The following SPOCK3 variants were observed in gnomAD, a reference collection of about 807,000 sequenced individuals.
The protein encoded by SPOCK3 is SPARC (osteonectin), cwcv and kazal like domains proteoglycan 3.
Under a neutral mutation model 56.6 loss-of-function variants are expected in SPOCK3, and 30 were observed. That is an observed-to-expected ratio of 0.53 (90% CI 0.40 to 0.72). SPOCK3 has a LOEUF of 0.72. Among genes scored for constraint, SPOCK3 ranks in the 30% least tolerant of loss-of-function variants. The pLI, the probability that SPOCK3 is intolerant of heterozygous loss-of-function variation, is 0.00. For missense variants in SPOCK3, 527 were observed against 530.0 expected (o/e 0.99, Z 0.06); for synonymous variants, 196 against 183.3 (o/e 1.07, Z -0.56).
At chr4:166,939,505 A>T (rs1377039993) in intron 4 of SPOCK3, among the ~76,000 whole-genome samples, 2 of 152,190 alleles carry the variant, frequency 1.3e-5, no homozygotes, top group Admixed American at 1.3e-4. Flanking sequence ...TAGATGTAAA[A>T]TTGTGACTAC....
chr4:166,963,322 G>A (rs1744353760), intron 4 of SPOCK3, among the ~76,000 whole-genome samples: 2 of 151,964 alleles, frequency 1.3e-5, no homozygotes, highest in Non-Finnish European at 2.9e-5. Context: ...GAGCAATGAT[G>A]TTTATTTTAT....
intron 8 of SPOCK3, among the ~76,000 whole-genome samples, chr4:166,744,122 G>T (rs936512485): frequency 3.9e-5 from 6 of 152,234 alleles, no homozygotes; most frequent in Admixed American, 3.3e-4. Context: ...TCCCACCCCG[G>T]AGTTTGAGAT....
chr4:167,084,880 C>A (rs888063794), intron 2 of SPOCK3, among the ~76,000 whole-genome samples: 2 of 151,660 alleles, frequency 1.3e-5, no homozygotes, highest in African/African-American at 2.4e-5. Context: ...ACATAGAAAC[C>A]CATTATATAA....
chr4:166,786,318 G>A (rs1158972607), intron 7 of SPOCK3, among the ~76,000 whole-genome samples: 1 of 152,138 alleles, frequency 6.6e-6, no homozygotes, highest in Non-Finnish European at 1.5e-5. Flanking sequence ...AGAGAAGTCA[G>A]CAGGCAATGG....
chr4:166,833,400 A>AT (rs1746288172), intron 6 of SPOCK3, among the ~76,000 whole-genome samples: 1 of 151,932 alleles, frequency 6.6e-6, no homozygotes, highest in Non-Finnish European at 1.5e-5. Flanking sequence ...AAACTTATTG[A>AT]TTTTCTCAAT....
chr4:166,999,759 C>G (rs1364199489), intron 4 of SPOCK3, among the ~76,000 whole-genome samples: 1 of 152,134 alleles, frequency 6.6e-6, no homozygotes, highest in Admixed American at 6.6e-5. Context: ...CTTCCCAAAA[C>G]AGAGCCCGTC....
At position 166,749,109 on chromosome 4, in the gene SPOCK3, C is replaced by A. The variant is rs1412778720; in HGVS notation, c.931+5399G>T. 1.5e-5 allele frequency among the ~76,000 whole-genome samples: 2 copies of A among 137,030 alleles called. 1 individual carries two copies. The highest frequency in any genetic ancestry group is 1.4e-4 in the Admixed American group (2 of 14,248). 89.9% of individuals were successfully genotyped at this position (137,030 alleles called of 152,430 possible). ...CCTCAAAGACATAGAACTAGAAATACCATTTGACCCAGCCATCCCATTACT... is the reference window on the plus strand; with the variant it reads ...CCTCAAAGACATAGAACTAGAAATAACATTTGACCCAGCCATCCCATTACT... On this transcript the variant is annotated intron_variant, in intron 8 of 10. Transcript: ENST00000357545.
intron 3 of SPOCK3, among the ~76,000 whole-genome samples, chr4:167,053,765 C>A (rs1160827517): frequency 6.6e-6 from 1 of 151,660 alleles, no homozygotes; most frequent in African/African-American, 2.4e-5. Context: ...TGTTAGGCTG[C>A]CCTTCCTGAG....
intron 2 of SPOCK3, among the ~76,000 whole-genome samples, chr4:167,220,518 T>C (rs964965252): frequency 1.3e-5 from 2 of 150,850 alleles, no homozygotes; most frequent in Non-Finnish European, 2.9e-5. Context: ...GCTGGGACAA[T>C]AGGCATGTGC....
At chr4:166,923,075 C>T (rs952915836) in intron 4 of SPOCK3, among the ~76,000 whole-genome samples, 1 of 152,208 alleles carries the variant, frequency 6.6e-6, no homozygotes, top group African/African-American at 2.4e-5. Flanking sequence ...GTTGGCAGGA[C>T]TACACTCTCC....
chr4:167,153,743 C>T (rs989699052), intron 2 of SPOCK3, among the ~76,000 whole-genome samples: 2 of 152,150 alleles, frequency 1.3e-5, no homozygotes, highest in Non-Finnish European at 2.9e-5. Flanking sequence ...GAATACTGCA[C>T]TAGCGTTCAA....
chr4:166,804,799 C>T (rs530168900), intron 6 of SPOCK3, among the ~76,000 whole-genome samples: 4 of 152,152 alleles, frequency 2.6e-5, no homozygotes, highest in African/African-American at 9.6e-5. Context: ...TGTCTCTAGC[C>T]ACCCTGAGAA....
intron 3 of SPOCK3, among the ~76,000 whole-genome samples, chr4:167,022,798 C>T (rs1322357966): frequency 2.6e-5 from 4 of 151,844 alleles, no homozygotes; most frequent in Non-Finnish European, 5.9e-5. Context: ...GATATGCTGG[C>T]CAGCTGGTTA....
rs187015367 is a variant in SPOCK3 at position 166,809,847 on chromosome 4, G to A, written c.590-17558C>T. Among the ~76,000 whole-genome samples the A allele has an allele frequency of 2.2e-3, 332 of 152,088 alleles. 3 individuals are homozygous for A. The highest frequency in any genetic ancestry group is 3.4e-3 in the Non-Finnish European group (228 of 67,958). On this transcript the variant is annotated intron_variant, in intron 6 of 10. Coordinates refer to ENST00000357545, the MANE Select transcript of SPOCK3 (RefSeq NM_001040159.2). ...CATCAACATCAGACAAGCCCACTCC[G>A]TGACCATGATGGAGCAAGACAAAAA...
At chr4:166,845,972 T>A (rs1046834590) in intron 6 of SPOCK3, among the ~76,000 whole-genome samples, 2 of 152,192 alleles carry the variant, frequency 1.3e-5, no homozygotes, top group Non-Finnish European at 2.9e-5. Flanking sequence ...CACAGCAAGT[T>A]TGTACTCCTG....
chr4:167,205,282 A>T (rs1210490937), intron 2 of SPOCK3, among the ~76,000 whole-genome samples: 1 of 54,150 alleles, frequency 1.8e-5, no homozygotes, highest in East Asian at 4.4e-4. Flanking sequence ...TATATATTAT[A>T]TATATTTTAT....
chr4:167,147,208 A>G (rs1264688477), intron 2 of SPOCK3, among the ~76,000 whole-genome samples: 1 of 152,218 alleles, frequency 6.6e-6, no homozygotes, highest in Non-Finnish European at 1.5e-5. Context: ...TAGAAAATCT[A>G]TAAGAAATGG....
At chr4:167,132,315 T>C (rs534281826) in intron 2 of SPOCK3, among the ~76,000 whole-genome samples, 6 of 152,316 alleles carry the variant, frequency 3.9e-5, no homozygotes, top group African/African-American at 1.4e-4. Flanking sequence ...ACATTTCATA[T>C]CAGAGACCAA....
At chr4:166,982,166 G>T (rs1260201299) in intron 4 of SPOCK3, among the ~76,000 whole-genome samples, 1 of 152,182 alleles carries the variant, frequency 6.6e-6, no homozygotes, top group Non-Finnish European at 1.5e-5. Flanking sequence ...GCTCCATGGA[G>T]CATGTGACCC....
Sources: allele counts gnomAD v4.1 joint callset (sites outside exome capture counted in the v4.1 genomes callset), GRCh38; gene constraint gnomAD v4.1.1; transcripts MANE v1.5; gene names NCBI Gene and HGNC (gene_info 2026-07-23, HGNC 2026-07-21).